The following ZKSCAN7 variants were observed in gnomAD, a reference collection of about 807,000 sequenced individuals.
The protein encoded by ZKSCAN7 is zinc finger with KRAB and SCAN domains 7.
A neutral mutation model predicts 65.3 loss-of-function variants in ZKSCAN7; 38 were observed. The observed-to-expected ratio is 0.58, with a 90% CI of 0.45 to 0.76. The LOEUF (loss-of-function observed/expected upper bound fraction) is 0.76. ZKSCAN7 is among the 30% of genes least tolerant of loss of function. The pLI, the probability that ZKSCAN7 is intolerant of heterozygous loss-of-function variation, is 0.00. For synonymous variants in ZKSCAN7, 321 were observed against 321.0 expected (o/e 1.00, Z 0.00); for missense variants, 815 against 913.3 (o/e 0.89, Z 1.39).
chr3:44,582,948 C>CT (rs1700120322), intron 5 of ZKSCAN7: 1 of 416,492 alleles, frequency 2.4e-6, no homozygotes, highest in African/African-American at 2.4e-5. Flanking sequence ...GTGTGTGTGA[C>CT]TGAGTTTCAC....
rs1006445969 is a variant in ZKSCAN7, at chr3:44,557,413, T to C, written c.366T>C (p.Gly122=). The C allele has an allele frequency of 1.2e-6, 2 of 1,613,972 alleles. No individual in the cohort carries two copies. Residue 122 remains glycine, a synonymous_variant, in exon 2 of 6, where the codon GGT becomes GGC. Transcript: ENST00000426540. Reference sequence around the variant, plus strand: ...TGCAGCTGCATCACCCTGAGAGTGGTGAGGAGGCTGTGGCTGTGGTGGAGG... The same window carrying C: ...TGCAGCTGCATCACCCTGAGAGTGGCGAGGAGGCTGTGGCTGTGGTGGAGG... ...TWVQLHHPES[G]EEAVAVVEDF... is the part of the protein sequence containing the mutation.
intron 2 of ZKSCAN7, among the ~76,000 whole-genome samples, chr3:44,564,157 A>T (rs953500188): frequency 6.6e-6 from 1 of 152,240 alleles, no homozygotes; most frequent in Admixed American, 6.5e-5. Context: ...TCTGCCCTAC[A>T]TGCTGGTAAA....
intron 5 of ZKSCAN7, chr3:44,578,073 A>T (rs761320222): frequency 8.8e-6 from 14 of 1,590,518 alleles, no homozygotes; most frequent in Non-Finnish European, 1.1e-5. Flanking sequence ...AGATTTCATT[A>T]TATCATATCC....
chr3:44,563,165 T>G (rs1419977298), intron 2 of ZKSCAN7, among the ~76,000 whole-genome samples: 1 of 152,176 alleles, frequency 6.6e-6, no homozygotes, highest in Non-Finnish European at 1.5e-5. Context: ...AGCCTGGATT[T>G]CATTATCCAT....
In ZKSCAN7 at chr3:44,571,238, C is replaced by A. The variant is rs1699801239; in HGVS notation, c.2128C>A (p.Gln710Lys). 1 of 1,614,024 alleles carries A rather than the reference C, an allele frequency of 6.2e-7. No individual in the cohort carries two copies. The highest frequency in any genetic ancestry group is 1.3e-5 in the African/African-American group (1 of 74,892). The change falls in exon 6 of 6, where the codon CAG becomes AAG. Residue 710 changes from glutamine (Q) to lysine (K), a missense_variant. Gln to Lys is a moderately conservative substitution (Grantham distance 53, BLOSUM62 1). This residue lies in a region of ZKSCAN7 where 578 missense variants were observed against 629.5 expected (regional missense o/e 0.92). Coordinates refer to ENST00000426540, the MANE Select transcript of ZKSCAN7 (RefSeq NM_001288590.2). ...TGACAGCTCACAGCTTATTGTACAC[C>A]AGAGAGTCCACACCGGAGAGAAACC... Reference protein sequence around the residue: ...FSDSSQLIVHQRVHTGEKPYE... With the variant: ...FSDSSQLIVHKRVHTGEKPYE...
Position 44,571,335 on chromosome 3 carries a change from C to G in ZKSCAN7, c.2225C>G (p.Thr742Ser). The change falls in exon 6 of 6, where the codon ACT (threonine) becomes AGT (serine). Residue 742 changes from threonine (T) to serine (S), a missense_variant. Thr to Ser is a moderately conservative substitution (Grantham distance 58, BLOSUM62 1). Around this residue, in one of 3 missense-constraint regions of ZKSCAN7, gnomAD observed 578 missense variants for 629.5 expected, o/e 0.92. Transcript: ENST00000426540. ...TTTAATCACCACCAGCGAACTCACA[C>G]TGGAGAGAAGTCCTCAGGTCTGGCT... ...STFNHHQRTH[T>S]GEKSSGLAWS... is the part of the protein sequence containing the mutation. The G allele has an allele frequency of 6.2e-7, 1 of 1,614,226 alleles. No individual in the cohort carries two copies. Among genetic ancestry groups the G allele is most frequent in the Non-Finnish European group, 8.5e-7 (1 of 1,180,044 alleles).
intron 2 of ZKSCAN7, among the ~76,000 whole-genome samples, chr3:44,561,128 G>A (rs9853483): frequency 0.87 from 132,075 of 152,214 alleles, 57,357 homozygotes; most frequent in Middle Eastern, 0.93. Flanking sequence ...GAACTACCTG[G>A]GTAATTAAAA....
chr3:44,569,866 CTT>C (rs746016476), intron 5 of ZKSCAN7, 54 bp from the exon 6 acceptor site: 223 of 1,475,608 alleles, frequency 1.5e-4, no homozygotes, highest in Non-Finnish European at 1.9e-4. Flanking sequence ...TAATGATTCT[CTT>C]TCTTAAACAG....
At chr3:44,579,840 C>G (rs1700021697) in intron 5 of ZKSCAN7, 1 of 1,611,602 alleles carries the variant, frequency 6.2e-7, no homozygotes, top group South Asian at 1.1e-5. Flanking sequence ...TGGCTGTCCT[C>G]ATACTGCTTA....
intron 5 of ZKSCAN7, among the ~76,000 whole-genome samples, chr3:44,582,774 C>T (rs971921399): frequency 1.3e-5 from 2 of 152,098 alleles, no homozygotes; most frequent in Non-Finnish European, 2.9e-5. Flanking sequence ...AGTAATCATT[C>T]CTCCCTGGGA....
chr3:44,556,985 A>G lies in ZKSCAN7; in HGVS notation c.-63A>G. ...CTGAAAAACAGTTCCTGAGACCTGAACTATTGACCATCATTTTAATCGGAC... is the reference window on the plus strand; with the variant it reads ...CTGAAAAACAGTTCCTGAGACCTGAGCTATTGACCATCATTTTAATCGGAC... On this transcript the variant is annotated 5_prime_UTR_variant, in exon 2 of 6. Coordinates refer to ENST00000426540, the MANE Select transcript of ZKSCAN7 (RefSeq NM_001288590.2). 2 of 1,606,686 alleles carry G rather than the reference A, an allele frequency of 1.2e-6. No homozygotes were observed. The highest frequency in any genetic ancestry group is 2.2e-5 in the East Asian group (1 of 44,858).
At position 44,571,377 on chromosome 3, in the gene ZKSCAN7, G is replaced by A. The variant is rs147027158; in HGVS notation, c.*2G>A. ...GGTCTGGCTTGGTCAGTTTCTTAAG[G>A]TATGGTTCTCTGAGACAGAGAGCAA... On this transcript the variant is annotated 3_prime_UTR_variant, in exon 6 of 6. Transcript: ENST00000426540. 6 of 1,613,758 alleles carry A rather than the reference G, an allele frequency of 3.7e-6. No homozygotes were observed. In the East Asian group the frequency reaches 1.3e-4, roughly 36 times the overall value.
chr3:44,561,402 T>C (rs1174178730), intron 2 of ZKSCAN7, among the ~76,000 whole-genome samples: 6 of 152,158 alleles, frequency 3.9e-5, no homozygotes, highest in Non-Finnish European at 5.9e-5. Flanking sequence ...TTGTGAGATT[T>C]GGGTGGGAAC....
chr3:44,580,844 G>C, intron 5 of ZKSCAN7: 2 of 1,613,558 alleles, frequency 1.2e-6, no homozygotes, highest in Middle Eastern at 1.7e-4. Flanking sequence ...GGTGCACTGA[G>C]TTGTCAAAGT....
At chr3:44,572,903 T>C (rs1384149891), downstream of ZKSCAN7, among the ~76,000 whole-genome samples, 1 of 148,322 alleles carries the variant, frequency 6.7e-6, no homozygotes, top group African/African-American at 2.5e-5. Context: ...ACCGAAGACT[T>C]GACTTTCATA....
chr3:44,579,494 T>G (rs1353915069), intron 5 of ZKSCAN7, among the ~76,000 whole-genome samples: 1 of 152,218 alleles, frequency 6.6e-6, no homozygotes, highest in East Asian at 1.9e-4. Flanking sequence ...TGCCTCTTGC[T>G]TCTCAGTAGG....
Position 44,557,411 on chromosome 3 carries a change from G to A in ZKSCAN7, c.364G>A (p.Gly122Ser), listed in dbSNP as rs375702291. ...GGTGCAGCTGCATCACCCTGAGAGTGGTGAGGAGGCTGTGGCTGTGGTGGA... is the reference window on the plus strand; with the variant it reads ...GGTGCAGCTGCATCACCCTGAGAGTAGTGAGGAGGCTGTGGCTGTGGTGGA... ...TWVQLHHPES[G>S]EEAVAVVEDF... The change falls in exon 2 of 6, where the codon GGT becomes AGT. Residue 122 changes from glycine (G) to serine (S), a missense_variant. By Grantham distance (56) the Gly-to-Ser change is moderately conservative. Transcript: ENST00000426540. 5.6e-6 allele frequency: 9 copies of A among 1,614,112 alleles called. No homozygotes were observed. Among genetic ancestry groups the A allele is most frequent in the South Asian group, 1.1e-5 (1 of 91,088 alleles).
chr3:44,557,439 A>C lies in ZKSCAN7; in HGVS notation c.392A>C (p.Asp131Ala), dbSNP rs1262842946. Residue 131 changes from aspartate to alanine, a missense_variant, in exon 2 of 6, where the codon GAT becomes GCT. By Grantham distance (126) the Asp-to-Ala change is moderately radical. Around this residue, in one of 3 missense-constraint regions of ZKSCAN7, gnomAD observed 227 missense variants for 253.3 expected, o/e 0.90. Transcript: ENST00000426540. ...SGEEAVAVVE[D>A]FQRHLSGSEE... Reference sequence around the variant, plus strand: ...GAGGAGGCTGTGGCTGTGGTGGAGGATTTCCAGAGACACCTCAGTGGATCA... The same window carrying C: ...GAGGAGGCTGTGGCTGTGGTGGAGGCTTTCCAGAGACACCTCAGTGGATCA... 4 of 1,614,100 alleles carry C rather than the reference A, an allele frequency of 2.5e-6. No homozygotes were observed. The South Asian group carries it at 3.3e-5, about 13-fold the overall frequency.
At chr3:44,572,384 GTGTGTA>G (rs1408675044), downstream of ZKSCAN7, among the ~76,000 whole-genome samples, 11 of 139,040 alleles carry the variant, frequency 7.9e-5, no homozygotes, top group Non-Finnish European at 1.1e-4. Context: ...GTGTGTGTGT[GTGTGTA>G]TGTATGCAAA....
Sources: allele counts gnomAD v4.1 joint callset (sites outside exome capture counted in the v4.1 genomes callset), GRCh38; gene constraint gnomAD v4.1.1; regional missense constraint gnomAD v4.1.1; transcripts MANE v1.5; gene names NCBI Gene and HGNC (gene_info 2026-07-23, HGNC 2026-07-21).